The following RNGTT variants were observed in gnomAD, a reference collection of about 807,000 sequenced individuals.
RNGTT encodes mRNA-capping enzyme.
In RNGTT, 33 loss-of-function variants were observed where a neutral mutation model predicts 79.3. The ratio of observed to expected loss-of-function variants is 0.42; its 90% CI spans 0.32 to 0.56. The LOEUF (loss-of-function observed/expected upper bound fraction) is 0.56. Ranked by LOEUF, RNGTT falls within the 20% of genes least tolerant of loss-of-function variation. RNGTT has a pLI of 0.17. For synonymous variants in RNGTT, 222 were observed against 235.9 expected (o/e 0.94, Z 0.54); for missense variants, 497 against 739.1 (o/e 0.67, Z 3.80).
At chr6:88,888,624 T>C (rs1230289470) in intron 8 of RNGTT, among the ~76,000 whole-genome samples, 1 of 152,218 alleles carries the variant, frequency 6.6e-6, no homozygotes, top group Non-Finnish European at 1.5e-5. Context: ...ACATTATTAT[T>C]AATTTTTAAG....
chr6:88,649,700 A>G (rs1773725831), intron 14 of RNGTT, among the ~76,000 whole-genome samples: 1 of 152,162 alleles, frequency 6.6e-6, no homozygotes, highest in Non-Finnish European at 1.5e-5. Context: ...AAGTCTCAAA[A>G]AAAAAAAGGT....
chr6:88,768,270 C>T (rs1420878258), intron 13 of RNGTT, among the ~76,000 whole-genome samples: 5 of 151,884 alleles, frequency 3.3e-5, no homozygotes, highest in African/African-American at 7.2e-5. Context: ...CCACCATACC[C>T]GGCTAATTTT....
At chr6:88,805,883 T>C (rs73498412) in intron 11 of RNGTT, among the ~76,000 whole-genome samples, 2,133 of 152,248 alleles carry the variant, frequency 0.014, 49 homozygotes, top group African/African-American at 0.049. Context: ...AAAACCCTTT[T>C]ATACTCTAGG....
chr6:88,766,743 G>C (rs567805523), intron 13 of RNGTT, among the ~76,000 whole-genome samples: 12 of 152,104 alleles, frequency 7.9e-5, no homozygotes, highest in African/African-American at 2.9e-4. Flanking sequence ...TCATTTCTTA[G>C]AAAACTACTG....
intron 13 of RNGTT, among the ~76,000 whole-genome samples, chr6:88,680,484 G>A (rs983968856): frequency 3.9e-5 from 6 of 152,106 alleles, no homozygotes; most frequent in African/African-American, 1.4e-4. Context: ...GCTCACACCT[G>A]TAATCCCAGC....
chr6:88,956,040 C>CAAAAA (rs750272502), intron 1 of RNGTT, among the ~76,000 whole-genome samples: 2 of 23,652 alleles, frequency 8.5e-5, no homozygotes, highest in African/African-American at 1.5e-4. Flanking sequence ...GACTCTGTCT[C>CAAAAA]AAAAAAAAAA....
chr6:88,685,981 A>C (rs1015828461), intron 13 of RNGTT, among the ~76,000 whole-genome samples: 2 of 151,624 alleles, frequency 1.3e-5, no homozygotes, highest in Non-Finnish European at 2.9e-5. Context: ...TAAGGTTTAG[A>C]GGGAAAAAAG....
At chr6:88,889,121 A>T (rs1203464372) in intron 8 of RNGTT, among the ~76,000 whole-genome samples, 1 of 152,242 alleles carries the variant, frequency 6.6e-6, no homozygotes, top group Non-Finnish European at 1.5e-5. Context: ...TCTCTAGGTG[A>T]TAAAATTTCT....
intron 14 of RNGTT, among the ~76,000 whole-genome samples, chr6:88,645,385 T>C (rs1773504087): frequency 6.6e-6 from 1 of 152,192 alleles, no homozygotes; most frequent in Non-Finnish European, 1.5e-5. Context: ...CATTCCATGC[T>C]CATGGGTAGG....
chr6:88,767,990 C>T (rs1289141566), intron 13 of RNGTT, among the ~76,000 whole-genome samples: 2 of 152,212 alleles, frequency 1.3e-5, no homozygotes, highest in East Asian at 3.9e-4. Flanking sequence ...TGTATTCCAG[C>T]TATTCCTATA....
chr6:88,932,451 C>A (rs1298864788), intron 2 of RNGTT, among the ~76,000 whole-genome samples: 1 of 152,164 alleles, frequency 6.6e-6, no homozygotes, highest in Non-Finnish European at 1.5e-5. Context: ...CTGTGACCCA[C>A]ACCCTATTCG....
chr6:88,630,236 TCTGCCAG>T (rs944310065), intron 14 of RNGTT, among the ~76,000 whole-genome samples: 13 of 152,340 alleles, frequency 8.5e-5, no homozygotes, highest in East Asian at 7.7e-4. Context: ...ATTTGCTTTG[TCTGCCAG>T]CTGCCAGCTG....
intron 8 of RNGTT, among the ~76,000 whole-genome samples, chr6:88,888,633 A>C (rs1296329306): frequency 1.3e-5 from 2 of 152,210 alleles, no homozygotes; most frequent in African/African-American, 4.8e-5. Flanking sequence ...TTAATTTTTA[A>C]GGCTAGTTCA....
chr6:88,644,319 G>T (rs1013575009), intron 14 of RNGTT, among the ~76,000 whole-genome samples: 11 of 152,190 alleles, frequency 7.2e-5, no homozygotes, highest in Non-Finnish European at 8.8e-5. Context: ...TTGAATCTCT[G>T]AATAGACCAA....
chr6:88,858,311 T>G (rs1781902986), intron 8 of RNGTT, among the ~76,000 whole-genome samples: 2 of 152,114 alleles, frequency 1.3e-5, no homozygotes, highest in African/African-American at 4.8e-5. Flanking sequence ...ATGCTAGGGT[T>G]ATAACAGCAA....
intron 8 of RNGTT, among the ~76,000 whole-genome samples, chr6:88,854,836 C>T (rs1022247826): frequency 6.6e-6 from 1 of 152,162 alleles, no homozygotes; most frequent in Non-Finnish European, 1.5e-5. Context: ...TTCTATTTCA[C>T]ACCACATATA....
chr6:88,792,859 T>A (rs1779468355), intron 12 of RNGTT, among the ~76,000 whole-genome samples: 2 of 152,140 alleles, frequency 1.3e-5, no homozygotes, highest in Admixed American at 1.3e-4. Flanking sequence ...AATTTTGCAT[T>A]TGAGAGAGAA....
At chr6:88,646,604 C>T (rs1420197197) in intron 14 of RNGTT, among the ~76,000 whole-genome samples, 1 of 152,116 alleles carries the variant, frequency 6.6e-6, no homozygotes, top group Non-Finnish European at 1.5e-5. Flanking sequence ...AAATGTCCAC[C>T]AATGATAGAC....
At chr6:88,894,774 T>C (rs1355838424) in intron 6 of RNGTT, among the ~76,000 whole-genome samples, 1 of 152,180 alleles carries the variant, frequency 6.6e-6, no homozygotes, top group Non-Finnish European at 1.5e-5. Flanking sequence ...AGATCACTAA[T>C]TCTAAACAGT....
Sources: allele counts gnomAD v4.1 joint callset (sites outside exome capture counted in the v4.1 genomes callset), GRCh38; gene constraint gnomAD v4.1.1; transcripts MANE v1.5; gene names NCBI Gene and HGNC (gene_info 2026-07-23, HGNC 2026-07-21).